ZFHX3: variants seen among roughly 807,000 people sequenced by gnomAD.
ZFHX3 encodes the protein zinc finger homeobox protein 3.
ZFHX3 carries 42 observed loss-of-function variants against 279.1 expected under a neutral mutation model. The ratio of observed to expected loss-of-function variants is 0.15; its 90% CI spans 0.12 to 0.19. ZFHX3 has a LOEUF of 0.19. Ranked by LOEUF, ZFHX3 falls within the 10% of genes least tolerant of loss-of-function variation. The pLI, the probability that ZFHX3 is intolerant of heterozygous loss-of-function variation, is 1.00. For missense variants in ZFHX3, 4,981 were observed against 4,754.0 expected (o/e 1.05, Z -1.40); for synonymous variants, 2,293 against 1,957.8 (o/e 1.17, Z -4.52).
intron 8 of ZFHX3, among the ~76,000 whole-genome samples, chr16:73,068,770 G>GA (rs1965788036): frequency 6.6e-6 from 1 of 152,228 alleles, no homozygotes; most frequent in Non-Finnish European, 1.5e-5. Context: ...GGCAGAGACA[G>GA]ACATCCAAAG....
chr16:73,143,816 A>G, exon 6 of ZFHX3: 1 of 1,301,192 alleles, frequency 7.7e-7, no homozygotes, highest in Non-Finnish European at 1.0e-6. Flanking sequence ...GGGGGTTGTA[A>G]CTTATATCTT....
chr16:73,434,144 T>G (rs1384168239), intron 3 of ZFHX3, among the ~76,000 whole-genome samples: 1 of 152,190 alleles, frequency 6.6e-6, no homozygotes, highest in Non-Finnish European at 1.5e-5. Context: ...GGGAGGCCCA[T>G]CTATTTGCTG....
chr16:73,182,652 A>G (rs77813395), intron 5 of ZFHX3, among the ~76,000 whole-genome samples: 7 of 152,378 alleles, frequency 4.6e-5, no homozygotes, highest in East Asian at 3.9e-4. Flanking sequence ...GTGTTATCCA[A>G]TGAAGAACTG....
chr16:72,829,130 G>A (rs190077331), intron 5 of ZFHX3, among the ~76,000 whole-genome samples: 16 of 151,282 alleles, frequency 1.1e-4, no homozygotes, highest in Non-Finnish European at 5.9e-5. Context: ...TCAGCCCCCC[G>A]AGTAACTGGG....
chr16:72,899,910 T>C (rs1417079937), intron 3 of ZFHX3, among the ~76,000 whole-genome samples: 1 of 152,158 alleles, frequency 6.6e-6, no homozygotes, highest in African/African-American at 2.4e-5. Flanking sequence ...TGAACATACC[T>C]ATTTGTTATT....
intron 3 of ZFHX3, among the ~76,000 whole-genome samples, chr16:73,418,862 C>T (rs541274013): frequency 6.6e-6 from 1 of 152,338 alleles, no homozygotes; most frequent in African/African-American, 2.4e-5. Context: ...GATACTTTTT[C>T]ACGTCCTCCC....
intron 2 of ZFHX3, among the ~76,000 whole-genome samples, chr16:73,483,610 G>A (rs924403142): frequency 5.3e-5 from 8 of 152,112 alleles, no homozygotes; most frequent in Non-Finnish European, 1.0e-4. Context: ...CAAGAAAAAG[G>A]GAGAGTGGGG....
intron 1 of ZFHX3, among the ~76,000 whole-genome samples, chr16:73,727,950 T>C (rs150308207): frequency 2.7e-4 from 41 of 151,022 alleles, no homozygotes; most frequent in African/African-American, 9.2e-4. Context: ...TAGCTACATG[T>C]GGCTATTTGA....
chr16:73,866,424 A>G (rs1283847968), intron 1 of ZFHX3, among the ~76,000 whole-genome samples: 1 of 151,530 alleles, frequency 6.6e-6, no homozygotes, highest in Non-Finnish European at 1.5e-5. Flanking sequence ...CAGCCTCCCA[A>G]AGTGCTGGGA....
At chr16:73,212,288 AAG>A (rs2012048566) in intron 5 of ZFHX3, among the ~76,000 whole-genome samples, 1 of 152,180 alleles carries the variant, frequency 6.6e-6, no homozygotes, top group South Asian at 2.1e-4. Flanking sequence ...TTAAATAAAA[AAG>A]AGATTAAAAA....
intron 2 of ZFHX3, among the ~76,000 whole-genome samples, chr16:73,495,543 C>G (rs748660170): frequency 6.6e-6 from 1 of 152,200 alleles, no homozygotes; most frequent in Non-Finnish European, 1.5e-5. Context: ...GAAAGTGTTT[C>G]CTCGAGTATG....
At chr16:72,889,656 G>T (rs1247892609) in intron 4 of ZFHX3, 75 bp downstream of exon 4, 9 of 1,417,162 alleles carry the variant, frequency 6.4e-6, no homozygotes, top group Non-Finnish European at 8.7e-6. Flanking sequence ...CCCTCAAACA[G>T]AAGTCCTCTG....
chr16:73,669,522 TA>T (rs1567547327), intron 2 of ZFHX3, among the ~76,000 whole-genome samples: 2 of 152,200 alleles, frequency 1.3e-5, no homozygotes, highest in South Asian at 2.1e-4. Flanking sequence ...GTTTTTAAGA[TA>T]AAAAGGGGTA....
rs371270486 is a variant in ZFHX3, at chr16:72,828,375, C to A, written c.3529+1404G>T. On this transcript the variant is annotated intron_variant, in intron 5 of 9. Coordinates refer to ENST00000268489, the MANE Select transcript of ZFHX3 (RefSeq NM_006885.4). ...AAATGACTTTGCTCCTCCTCAAAAA[C>A]CCTAAGCTTTTTTAGTCTCAGCTCT... Among the ~76,000 whole-genome samples the A allele has an allele frequency of 4.4e-4, 67 of 152,330 alleles. No individual in the cohort carries two copies. The South Asian group carries it at 6.4e-3, about 15-fold the overall frequency.
intron 1 of ZFHX3, among the ~76,000 whole-genome samples, chr16:73,037,479 C>T (rs565970892): frequency 2.6e-5 from 4 of 152,190 alleles, no homozygotes; most frequent in African/African-American, 2.4e-5. Flanking sequence ...CTGGCCAGCC[C>T]GGCGACAGTT....
intron 4 of ZFHX3, among the ~76,000 whole-genome samples, chr16:72,847,702 AC>A (rs2037514071): frequency 6.6e-6 from 1 of 151,940 alleles, no homozygotes; most frequent in Non-Finnish European, 1.5e-5. Flanking sequence ...CAACAGGGAC[AC>A]CCCAAAAGGC....
intron 1 of ZFHX3, among the ~76,000 whole-genome samples, chr16:73,785,557 A>G (rs1959615799): frequency 6.6e-6 from 1 of 152,122 alleles, no homozygotes; most frequent in Non-Finnish European, 1.5e-5. Context: ...TCTGGTGTTC[A>G]ATCACCTATT....
intron 2 of ZFHX3, among the ~76,000 whole-genome samples, chr16:73,545,934 A>G (rs1412802927): frequency 6.6e-6 from 1 of 152,212 alleles, no homozygotes; most frequent in African/African-American, 2.4e-5. Context: ...CAGAATTGGC[A>G]CAGCTCAGCC....
intron 1 of ZFHX3, among the ~76,000 whole-genome samples, chr16:73,888,876 TC>T (rs1478893735): frequency 6.6e-6 from 1 of 151,026 alleles, no homozygotes; most frequent in Non-Finnish European, 1.5e-5. Context: ...GGATCCCTGT[TC>T]CCCCAACGCC....
Sources: allele counts gnomAD v4.1 joint callset (sites outside exome capture counted in the v4.1 genomes callset), GRCh38; gene constraint gnomAD v4.1.1; transcripts MANE v1.5; gene names NCBI Gene and HGNC (gene_info 2026-07-23, HGNC 2026-07-21).